The following TRHDE variants were observed in gnomAD, a reference collection of about 807,000 sequenced individuals.
TRHDE encodes the protein thyrotropin releasing hormone degrading enzyme.
Under a neutral mutation model 125.7 loss-of-function variants are expected in TRHDE, and 72 were observed. That is an observed-to-expected ratio of 0.57 (90% CI 0.47 to 0.70). The LOEUF (loss-of-function observed/expected upper bound fraction) is 0.70, where lower values mean the gene tolerates loss of function less well. Among genes scored for constraint, TRHDE ranks in the 30% least tolerant of loss-of-function variants. The pLI is 0.00. For synonymous variants in TRHDE, 509 were observed against 509.1 expected, an observed-to-expected ratio of 1.00 and a Z score of 0.00; for missense variants, 1,110 against 1,327.1, an observed-to-expected ratio of 0.84 and a Z score of 2.54.
chr12:72,450,138 G>C (rs975113335), intron 3 of TRHDE, among the ~76,000 whole-genome samples: 14 of 152,054 alleles, frequency 9.2e-5, no homozygotes, highest in African/African-American at 3.4e-4. Flanking sequence ...AGTTCAAGTT[G>C]TACAACATGG....
chr12:72,121,505 G>C (rs1875580463), intron 2 of TRHDE, among the ~76,000 whole-genome samples: 1 of 152,130 alleles, frequency 6.6e-6, no homozygotes, highest in Admixed American at 6.5e-5. Context: ...GCAGCACTGA[G>C]TTCCAATGCA....
chr12:72,641,517 T>G (rs1874060049), intron 15 of TRHDE, among the ~76,000 whole-genome samples: 2 of 152,218 alleles, frequency 1.3e-5, no homozygotes. Flanking sequence ...TTTTGTAAAC[T>G]TATGCAATGG....
intron 15 of TRHDE, among the ~76,000 whole-genome samples, chr12:72,651,148 TAACGTTTCTC>T (rs1447937637): frequency 6.6e-6 from 1 of 152,158 alleles, no homozygotes. Flanking sequence ...AAAATTAAAG[TAACGTTTCTC>T]CAAATACTTT....
intron 3 of TRHDE, among the ~76,000 whole-genome samples, chr12:72,440,558 A>C (rs1412486979): frequency 6.6e-6 from 1 of 151,936 alleles, no homozygotes; most frequent in Non-Finnish European, 1.5e-5. Context: ...TAAGCATATA[A>C]ATGCTAGCAC....
chr12:72,638,562 G>T (rs1044649079), intron 15 of TRHDE, among the ~76,000 whole-genome samples: 4 of 151,286 alleles, frequency 2.6e-5, no homozygotes, highest in East Asian at 1.9e-4. Context: ...GTTAGCTGGT[G>T]ATTTTGCTTA....
intron 2 of TRHDE, among the ~76,000 whole-genome samples, chr12:72,220,244 C>A (rs1365559266): frequency 6.6e-6 from 1 of 152,050 alleles, no homozygotes; most frequent in African/African-American, 2.4e-5. Flanking sequence ...TTTCTTCAGT[C>A]CTGAAAGTTG....
intron 2 of TRHDE, among the ~76,000 whole-genome samples, chr12:72,345,598 A>T (rs1197870837): frequency 6.6e-6 from 1 of 152,164 alleles, no homozygotes; most frequent in Non-Finnish European, 1.5e-5. Context: ...TTCTGAAAAT[A>T]TAACAATGGA....
chr12:72,186,698 AT>A (rs1877221814), intron 2 of TRHDE: 1 of 152,110 alleles, frequency 6.6e-6, no homozygotes, highest in Non-Finnish European at 1.5e-5. Context: ...TATTAATGTA[AT>A]TTGACATTGC....
At chr12:72,313,978 A>G (rs1434689984) in intron 2 of TRHDE, among the ~76,000 whole-genome samples, 1 of 152,150 alleles carries the variant, frequency 6.6e-6, no homozygotes, top group Non-Finnish European at 1.5e-5. Flanking sequence ...CATCACTCCC[A>G]CAGGACCTGG....
intron 15 of TRHDE, among the ~76,000 whole-genome samples, chr12:72,627,103 A>G (rs770334057): frequency 6.6e-6 from 1 of 151,852 alleles, no homozygotes; most frequent in Non-Finnish European, 1.5e-5. Context: ...CCGCCCTTCC[A>G]ATGAGCTGGG....
chr12:72,374,389 A>G (rs1871778950), intron 2 of TRHDE, among the ~76,000 whole-genome samples: 1 of 151,148 alleles, frequency 6.6e-6, no homozygotes, highest in East Asian at 2.0e-4. Flanking sequence ...TAGATCTCCA[A>G]GTAGAAATGT....
chr12:72,238,253 G>T (rs1805063827), intron 2 of TRHDE, among the ~76,000 whole-genome samples: 1 of 114,168 alleles, frequency 8.8e-6, no homozygotes, highest in South Asian at 3.0e-4. Context: ...CAGAAGCAGT[G>T]GTCAGAAGTG....
intron 1 of TRHDE, among the ~76,000 whole-genome samples, chr12:72,089,268 T>C (rs529500377): frequency 5.3e-5 from 8 of 152,318 alleles, no homozygotes; most frequent in Middle Eastern, 3.4e-3. Flanking sequence ...CTCTCCAGTT[T>C]TTTTCTTCTC....
In TRHDE at chr12:72,358,267, C is replaced by G. The variant is rs931434770; in HGVS notation, c.1189-19728C>G. On this transcript the variant is annotated intron_variant, in intron 2 of 18. Coordinates refer to ENST00000261180, the MANE Select transcript of TRHDE (RefSeq NM_013381.3). Reference sequence around the variant, plus strand: ...ATGAATTTTCTTCCACCTCTCCCAACCCTGGGACAGCAAGAGCAACCCCTC... The same window carrying G: ...ATGAATTTTCTTCCACCTCTCCCAAGCCTGGGACAGCAAGAGCAACCCCTC... 3.3e-5 allele frequency among the ~76,000 whole-genome samples: 5 copies of G among 151,476 alleles called. No individual in the cohort carries two copies. The East Asian group carries it at 7.8e-4, about 23-fold the overall frequency.
exon 2 of TRHDE, chr12:72,105,657 T>G (rs188428729): frequency 2.6e-5 from 4 of 152,138 alleles, no homozygotes; most frequent in African/African-American, 7.2e-5. Flanking sequence ...GAAGAGAAAC[T>G]GAGGCACAAG....
intron 3 of TRHDE, among the ~76,000 whole-genome samples, chr12:72,379,245 A>C (rs544761182): frequency 5.6e-4 from 86 of 152,368 alleles, no homozygotes; most frequent in South Asian, 2.5e-3. Context: ...TATTGTTATC[A>C]ATGGGTGTGA....
intron 2 of TRHDE, among the ~76,000 whole-genome samples, chr12:72,157,767 A>G (rs1178367011): frequency 6.6e-6 from 1 of 152,208 alleles, no homozygotes; most frequent in African/African-American, 2.4e-5. Flanking sequence ...TTGAATATAC[A>G]AGCCTGGAAC....
intron 12 of TRHDE, among the ~76,000 whole-genome samples, chr12:72,618,034 GAC>G (rs1168593322): frequency 1.3e-5 from 2 of 152,082 alleles, no homozygotes; most frequent in African/African-American, 4.8e-5. Context: ...ATGCCGCAAA[GAC>G]ATCAAGGCTA....
chr12:72,513,726 C>T (rs1448874400), intron 6 of TRHDE, among the ~76,000 whole-genome samples: 2 of 151,898 alleles, frequency 1.3e-5, no homozygotes, highest in Non-Finnish European at 2.9e-5. Context: ...CAAAATCTGG[C>T]TTTTGTCTTA....
Sources: gnomAD v4.1 joint callset for allele counts (sites outside exome capture counted in the v4.1 genomes callset) on GRCh38, gnomAD v4.1.1 for gene constraint, MANE v1.5 for transcripts, NCBI Gene and HGNC (gene_info 2026-07-23, HGNC 2026-07-21) for gene names.